The following FGGY variants were observed in gnomAD, a reference collection of about 807,000 sequenced individuals.
FGGY encodes FGGY carbohydrate kinase domain-containing protein.
Under a neutral mutation model 71.3 loss-of-function variants are expected in FGGY, and 72 were observed. That is an observed-to-expected ratio of 1.01 (90% CI 0.84 to 1.23). The LOEUF (loss-of-function observed/expected upper bound fraction) is 1.23, where lower values mean the gene tolerates loss of function less well. FGGY is among the 50% of genes most tolerant of loss of function. FGGY has a pLI of 0.00. For synonymous variants in FGGY, 251 were observed against 250.3 expected (o/e 1.00, Z -0.02); for missense variants, 668 against 682.3 (o/e 0.98, Z 0.23).
In FGGY at chr1:59,638,341, G is replaced by A. The variant is rs200968767; in HGVS notation, c.1187G>A (p.Arg396Gln). Residue 396 changes from arginine to glutamine, a missense_variant, in exon 11 of 16, where the codon CGG becomes CAG. Around this residue, in one of 2 missense-constraint regions of FGGY, gnomAD observed 661 missense variants for 661.6 expected, o/e 1.00. Transcript: ENST00000303721. ...LHVWPDFHGN[R>Q]SPLADLTLKG... ...GTTTGGCCAGATTTCCATGGCAACCGGTCTCCCTTAGCAGATCTGACACTA... is the reference window on the plus strand; with the variant it reads ...GTTTGGCCAGATTTCCATGGCAACCAGTCTCCCTTAGCAGATCTGACACTA... The A allele has an allele frequency of 3.3e-5, 54 of 1,614,066 alleles. No homozygotes were observed. The East Asian group carries it at 7.6e-4, about 23-fold the overall frequency.
chr1:59,505,108 C>T (rs1415325799), intron 6 of FGGY, among the ~76,000 whole-genome samples: 1 of 152,114 alleles, frequency 6.6e-6, no homozygotes, highest in Admixed American at 6.6e-5. Context: ...TTATTAAACA[C>T]CTCTTATAGG....
At chr1:59,379,154 A>C (rs962815015) in intron 5 of FGGY, among the ~76,000 whole-genome samples, 1 of 91,762 alleles carries the variant, frequency 1.1e-5, no homozygotes, top group African/African-American at 4.4e-5. Context: ...GAATAAAAGG[A>C]AAAAATAAAC....
At chr1:59,588,546 C>T (rs1054906784) in intron 8 of FGGY, among the ~76,000 whole-genome samples, 7 of 152,138 alleles carry the variant, frequency 4.6e-5, no homozygotes, top group African/African-American at 9.7e-5. Flanking sequence ...AGAGAAAGGG[C>T]GGGTTACCCA....
chr1:59,354,929 G>C (rs900983357), intron 4 of FGGY, among the ~76,000 whole-genome samples: 2 of 152,216 alleles, frequency 1.3e-5, no homozygotes, highest in African/African-American at 2.4e-5. Flanking sequence ...GATTCACTGT[G>C]GGGGAGGAAA....
intron 5 of FGGY, among the ~76,000 whole-genome samples, chr1:59,392,295 G>A (rs560837454): frequency 1.1e-4 from 17 of 152,276 alleles, no homozygotes; most frequent in Non-Finnish European, 2.2e-4. Flanking sequence ...CTGGTTAAAG[G>A]TATCAGTATT....
At chr1:59,354,179 G>A (rs909347511) in intron 4 of FGGY, among the ~76,000 whole-genome samples, 3 of 152,108 alleles carry the variant, frequency 2.0e-5, no homozygotes, top group African/African-American at 7.2e-5. Flanking sequence ...CCAGGCTTGA[G>A]CGGCTCTCCC....
intron 6 of FGGY, among the ~76,000 whole-genome samples, chr1:59,469,322 T>G (rs551741065): frequency 2.4e-4 from 37 of 152,310 alleles, no homozygotes; most frequent in African/African-American, 8.9e-4. Flanking sequence ...AGGGTGCCGA[T>G]AACTTCTGGG....
chr1:59,528,269 C>G (rs577415872), intron 7 of FGGY, among the ~76,000 whole-genome samples: 167 of 152,268 alleles, frequency 1.1e-3, no homozygotes, highest in Non-Finnish European at 2.0e-3. Context: ...GTTATACTTC[C>G]CATGAGCTGG....
chr1:59,521,036 T>TTG lies in FGGY; in HGVS notation c.799+8597_799+8598insTG, dbSNP rs1553260233. Reference sequence around the variant, plus strand: ...CAGACGGTCTGCAAGAAATTGGGGGTGGGGGGGGATTAGAAATGCAGATAA... The same window carrying TTG: ...CAGACGGTCTGCAAGAAATTGGGGGTTGGGGGGGGGATTAGAAATGCAGATAA... On this transcript the variant is annotated intron_variant, in intron 7 of 15. Transcript: ENST00000303721. Among the ~76,000 whole-genome samples the TTG allele has an allele frequency of 2.3e-3, 302 of 130,770 alleles. 7 individuals are homozygous for TTG. The highest frequency in any genetic ancestry group is 8.0e-3 in the African/African-American group (276 of 34,548). The allele number at this position is 130,770 out of a possible 152,430, so 85.8% of individuals were successfully genotyped here.
At chr1:59,337,563 G>A (rs1212086669) in intron 2 of FGGY, among the ~76,000 whole-genome samples, 2 of 152,076 alleles carry the variant, frequency 1.3e-5, no homozygotes, top group East Asian at 1.9e-4. Context: ...CCTCAATCCA[G>A]TCCAGTTGAT....
At chr1:59,610,006 A>C (rs1311671126) in intron 9 of FGGY, among the ~76,000 whole-genome samples, 3 of 152,264 alleles carry the variant, frequency 2.0e-5, no homozygotes, top group Non-Finnish European at 4.4e-5. Context: ...CTATGGCTAC[A>C]GTACAGTAGA....
rs551046274 is a variant in FGGY at position 59,757,297 on chromosome 1, A to G, written c.1513-634A>G. Among the ~76,000 whole-genome samples, 130 of 152,264 alleles carry G rather than the reference A, an allele frequency of 8.5e-4. 1 individual carries two copies. The highest frequency in any genetic ancestry group is 2.9e-3 in the African/African-American group (120 of 41,546). The stretch of plus-strand genomic sequence containing the variant: ...ATCTTGATGCTGCACCTACCATACC[A>G]TGTCTACCCAGATGCTGTAACATGT... On this transcript the variant is annotated intron_variant, in intron 14 of 15. Transcript: ENST00000303721.
At chr1:59,658,199 G>A (rs907818600) in intron 11 of FGGY, among the ~76,000 whole-genome samples, 5 of 152,116 alleles carry the variant, frequency 3.3e-5, no homozygotes, top group Non-Finnish European at 5.9e-5. Flanking sequence ...TCCATTCTCT[G>A]TGTTCCCTTA....
intron 2 of FGGY, among the ~76,000 whole-genome samples, chr1:59,326,580 G>A (rs1470285922): frequency 6.6e-6 from 1 of 152,160 alleles, no homozygotes; most frequent in East Asian, 1.9e-4. Context: ...ATGTGATAAG[G>A]CAGAACTCAG....
Position 59,425,990 on chromosome 1 carries a change from C to T in FGGY, c.555-30971C>T, listed in dbSNP as rs1244110159. ...TTTGAAATTGAATAAGTTTCAAATA[C>T]GAAAATTTAGGAACATGATACAAAA... On this transcript the variant is annotated intron_variant, in intron 5 of 15. Coordinates refer to ENST00000303721, the MANE Select transcript of FGGY (RefSeq NM_018291.5). Among the ~76,000 whole-genome samples, 4 of 152,022 alleles carry T rather than the reference C, an allele frequency of 2.6e-5. No individual in the cohort carries two copies. The South Asian group carries it at 6.2e-4, about 24-fold the overall frequency.
intron 4 of FGGY, among the ~76,000 whole-genome samples, chr1:59,348,882 C>T (rs1397805457): frequency 6.6e-6 from 1 of 152,164 alleles, no homozygotes; most frequent in Non-Finnish European, 1.5e-5. Flanking sequence ...CTAATTCTGA[C>T]TCTACTGTCA....
At chr1:59,601,476 G>C (rs1055112309) in intron 8 of FGGY, among the ~76,000 whole-genome samples, 2 of 152,232 alleles carry the variant, frequency 1.3e-5, no homozygotes, top group African/African-American at 4.8e-5. Flanking sequence ...CACATGGAAA[G>C]AGGCTTCTAA....
intron 4 of FGGY, among the ~76,000 whole-genome samples, chr1:59,351,900 G>GT (rs149082013): frequency 0.024 from 3,707 of 152,200 alleles, 172 homozygotes; most frequent in African/African-American, 0.085. Context: ...AGAATTTGGG[G>GT]TTTTATCTGT....
chr1:59,591,691 G>C (rs139530751), intron 8 of FGGY, among the ~76,000 whole-genome samples: 3,382 of 152,230 alleles, frequency 0.022, 112 homozygotes, highest in African/African-American at 0.077. Context: ...AATGGGGAAA[G>C]GATTCCCTAT....
Sources: gnomAD v4.1 joint callset for allele counts (sites outside exome capture counted in the v4.1 genomes callset) on GRCh38, gnomAD v4.1.1 for gene constraint, gnomAD v4.1.1 regional missense constraint, MANE v1.5 for transcripts, NCBI Gene and HGNC (gene_info 2026-07-23, HGNC 2026-07-21) for gene names.